Variants in INPP5A observed in about 807,000 individuals in gnomAD.
INPP5A encodes the protein inositol polyphosphate-5-phosphatase A.
A neutral mutation model predicts 65.2 loss-of-function variants in INPP5A; 14 were observed. The ratio of observed to expected loss-of-function variants is 0.21; its 90% CI spans 0.14 to 0.34. INPP5A has a LOEUF of 0.34. INPP5A is among the 10% of genes least tolerant of loss of function. The pLI, the probability that INPP5A is intolerant of heterozygous loss-of-function variation, is 1.00. For synonymous variants in INPP5A, 207 were observed against 208.3 expected, an observed-to-expected ratio of 0.99 and a Z score of 0.05; for missense variants, 431 against 545.6, an observed-to-expected ratio of 0.79 and a Z score of 2.09.
At chr10:132,647,337 C>T (rs1342697448) in intron 3 of INPP5A, among the ~76,000 whole-genome samples, 2 of 152,034 alleles carry the variant, frequency 1.3e-5, no homozygotes, top group Non-Finnish European at 2.9e-5. Context: ...CCAGGATGGC[C>T]TCAATCTCCT....
At chr10:132,561,235 T>C (rs1341775288) in intron 1 of INPP5A, among the ~76,000 whole-genome samples, 1 of 151,988 alleles carries the variant, frequency 6.6e-6, no homozygotes, top group Non-Finnish European at 1.5e-5. Context: ...GCTAGTTTTT[T>C]TTAAGTTTTG....
At chr10:132,548,044 C>T (rs1454924026) in intron 1 of INPP5A, among the ~76,000 whole-genome samples, 6 of 152,108 alleles carry the variant, frequency 3.9e-5, no homozygotes, top group Non-Finnish European at 7.4e-5. Context: ...GGATTACAGG[C>T]GTGCACCACC....
In INPP5A at chr10:132,704,704, C is replaced by T. The variant is rs1043003006; in HGVS notation, c.475-3609C>T. ...GGCTGTTCCAGGTGGGCCGTCTCCC[C>T]GGAAAGTGCAGGCTGGATTTGGACG... On this transcript the variant is annotated intron_variant, in intron 6 of 15. Coordinates refer to ENST00000368594, the MANE Select transcript of INPP5A (RefSeq NM_005539.5). The surrounding 1 kb of genome is among the most constrained non-coding windows in gnomAD (Gnocchi z 4.5). 4.6e-5 allele frequency among the ~76,000 whole-genome samples: 7 copies of T among 152,328 alleles called. No individual in the cohort carries two copies. The highest frequency in any genetic ancestry group is 1.4e-4 in the African/African-American group (6 of 41,576).
rs1203169828 is a variant in INPP5A at position 132,779,276 on chromosome 10, C to T, written c.1089+1494C>T. On this transcript the variant is annotated intron_variant, in intron 13 of 15. Transcript: ENST00000368594. Reference sequence around the variant, plus strand: ...TGGGCTCACTGGTAGGCACGCCAGTCCCTCGGTGCCACATGGTGGGTGCTC... The same window carrying T: ...TGGGCTCACTGGTAGGCACGCCAGTTCCTCGGTGCCACATGGTGGGTGCTC... Among the ~76,000 whole-genome samples, 4 of 152,380 alleles carry T rather than the reference C, an allele frequency of 2.6e-5. No homozygotes were observed. In the East Asian group the frequency reaches 7.7e-4, roughly 29 times the overall value.
chr10:132,590,520 C>T (rs189901207), intron 1 of INPP5A, among the ~76,000 whole-genome samples: 1 of 152,246 alleles, frequency 6.6e-6, no homozygotes, highest in Non-Finnish European at 1.5e-5. Flanking sequence ...CATTGCGACA[C>T]GTGTAAAGAT....
chr10:132,670,000 A>G (rs1406472939), intron 4 of INPP5A, among the ~76,000 whole-genome samples: 4 of 149,356 alleles, frequency 2.7e-5, no homozygotes, highest in Non-Finnish European at 6.0e-5. Flanking sequence ...CTCTTTGCAG[A>G]AAATCCCTCT....
intron 8 of INPP5A, among the ~76,000 whole-genome samples, chr10:132,716,551 G>A (rs1845743244): frequency 6.6e-6 from 1 of 152,176 alleles, no homozygotes; most frequent in African/African-American, 2.4e-5. Flanking sequence ...CCGGCCCTTT[G>A]GTGGCAGACA....
At chr10:132,642,059 C>T (rs1343248930) in intron 2 of INPP5A, among the ~76,000 whole-genome samples, 1 of 152,176 alleles carries the variant, frequency 6.6e-6, no homozygotes, top group African/African-American at 2.4e-5. Flanking sequence ...AGCCTGTGAC[C>T]ACAGAAGAAA....
In INPP5A at chr10:132,547,908, ATTT is replaced by A. The variant is rs1006735274; in HGVS notation, c.75+9748_75+9750del. ...GGTGGGGACCATGGTGTCTTTTTTA[ATTT>A]TTTTTTTTTTAAGATGGACACTCCA... On this transcript the variant is annotated intron_variant, in intron 1 of 15. Coordinates refer to ENST00000368594, the MANE Select transcript of INPP5A (RefSeq NM_005539.5). The surrounding 1 kb of genome is among the most constrained non-coding windows in gnomAD (Gnocchi z 5.5). 1.1e-4 allele frequency among the ~76,000 whole-genome samples: 16 copies of A among 142,810 alleles called. No individual in the cohort carries two copies. In the South Asian group the frequency reaches 2.0e-3, roughly 18 times the overall value. 93.7% of individuals were successfully genotyped at this position (142,810 alleles called of 152,430 possible).
rs1197010242 is a variant in INPP5A at position 132,698,222 on chromosome 10, C to A, written c.474+303C>A. ...ATCATTCAGCTCCCTTGGCGTGCAC[C>A]TGGGGTCTCCCGCACGCCCAGCTGG... On this transcript the variant is annotated intron_variant, in intron 6 of 15. Transcript: ENST00000368594. The surrounding 1 kb of genome is among the most constrained non-coding windows in gnomAD (Gnocchi z 5.5). 3.9e-5 allele frequency among the ~76,000 whole-genome samples: 6 copies of A among 152,156 alleles called. No individual in the cohort carries two copies. The highest frequency in any genetic ancestry group is 6.5e-5 in the Admixed American group (1 of 15,280).
intron 1 of INPP5A, among the ~76,000 whole-genome samples, chr10:132,572,239 GGGGGGGCCTTCAGAA>G (rs1427539334): frequency 1.6e-4 from 24 of 152,132 alleles, no homozygotes; most frequent in Non-Finnish European, 3.5e-4. Context: ...TGTGGCCCAT[GGGGGGGCCTTCAGAA>G]GAATGTCGGA....
intron 2 of INPP5A, among the ~76,000 whole-genome samples, chr10:132,623,396 GTTTTTTT>G: frequency 7.0e-6 from 1 of 141,970 alleles, no homozygotes; most frequent in African/African-American, 2.6e-5. Flanking sequence ...GAAAGGAACA[GTTTTTTT>G]TTTTTTTCAA....
chr10:132,634,385 A>G lies in INPP5A; in HGVS notation c.118-11483A>G, dbSNP rs115032351. Among the ~76,000 whole-genome samples the G allele has an allele frequency of 7.4e-3, 959 of 129,602 alleles. 26 individuals carry two copies. Among genetic ancestry groups the G allele is most frequent in the African/African-American group, 0.028 (882 of 31,300 alleles). 85.0% of individuals were successfully genotyped at this position (129,602 alleles called of 152,430 possible). ...TCATCTCCCTTGGTGGGTGTGCCCC[A>G]GAGAGGCATGTCATCTCCCTTGGGT... is the stretch of plus-strand genomic sequence containing the variant. On this transcript the variant is annotated intron_variant, in intron 2 of 15. Transcript: ENST00000368594.
In INPP5A at chr10:132,550,210, G is replaced by A. The variant is rs539144349; in HGVS notation, c.75+12039G>A. ...ATCGGGGAGAGCAGAGAGAGCTTAG[G>A]AGACCACATTGCCACTGTTTAGGGT... On this transcript the variant is annotated intron_variant, in intron 1 of 15. Coordinates refer to ENST00000368594, the MANE Select transcript of INPP5A (RefSeq NM_005539.5). The surrounding 1 kb of genome is among the most constrained non-coding windows in gnomAD (Gnocchi z 4.2). Among the ~76,000 whole-genome samples, 16 of 152,326 alleles carry A rather than the reference G, an allele frequency of 1.1e-4. No individual in the cohort carries two copies. In the South Asian group the frequency reaches 3.3e-3, roughly 32 times the overall value.
rs955999227 is a variant in INPP5A, at chr10:132,705,124, G to A, written c.475-3189G>A. On this transcript the variant is annotated intron_variant, in intron 6 of 15. Coordinates refer to ENST00000368594, the MANE Select transcript of INPP5A (RefSeq NM_005539.5). The surrounding 1 kb of genome is among the most constrained non-coding windows in gnomAD (Gnocchi z 4.9). ...CACCGTTGGTGGGAGCATGGAGCCC[G>A]CTGTGGGGCATCAGCAGCACCCACT... Among the ~76,000 whole-genome samples, 1 of 152,198 alleles carries A rather than the reference G, an allele frequency of 6.6e-6. No homozygotes were observed. Among genetic ancestry groups the A allele is most frequent in the South Asian group, 2.1e-4 (1 of 4,830 alleles).
chr10:132,669,149 A>G (rs1290312778), intron 4 of INPP5A, among the ~76,000 whole-genome samples: 1 of 152,146 alleles, frequency 6.6e-6, no homozygotes, highest in African/African-American at 2.4e-5. Flanking sequence ...GCTACTCGGG[A>G]GGCTGAGGCA....
intron 1 of INPP5A, among the ~76,000 whole-genome samples, chr10:132,543,764 A>G (rs2070935349): frequency 6.6e-6 from 1 of 152,236 alleles, no homozygotes; most frequent in Non-Finnish European, 1.5e-5. Context: ...GTGTGGATAC[A>G]CCAAGTTTTG....
At chr10:132,661,782 T>G (rs948881595) in intron 4 of INPP5A, among the ~76,000 whole-genome samples, 1 of 152,004 alleles carries the variant, frequency 6.6e-6, no homozygotes, top group Non-Finnish European at 1.5e-5. Flanking sequence ...GATTAAGACT[T>G]CTTTGAATCT....
intron 11 of INPP5A, among the ~76,000 whole-genome samples, chr10:132,760,395 CTGAGTGCTCCA>C (rs1382070609): frequency 2.0e-5 from 3 of 152,244 alleles, no homozygotes; most frequent in Non-Finnish European, 4.4e-5. Flanking sequence ...CCAGAGCTCC[CTGAGTGCTCCA>C]TGAGAGCTGT....
Sources: gnomAD v4.1 joint callset for allele counts (sites outside exome capture counted in the v4.1 genomes callset) on GRCh38, gnomAD v4.1.1 for gene constraint, Gnocchi (gnomAD v3.1) non-coding constraint, MANE v1.5 for transcripts, NCBI Gene and HGNC (gene_info 2026-07-23, HGNC 2026-07-21) for gene names.